Variants in SKAP1 observed in about 807,000 individuals in gnomAD.
SKAP1 encodes src kinase-associated phosphoprotein 1.
A neutral mutation model predicts 58.5 loss-of-function variants in SKAP1; 44 were observed. That is an observed-to-expected ratio of 0.75 (90% CI 0.59 to 0.97). The LOEUF (loss-of-function observed/expected upper bound fraction) is 0.97. Among genes scored for constraint, SKAP1 ranks in the 50% least tolerant of loss-of-function variants. The pLI, the probability that SKAP1 is intolerant of heterozygous loss-of-function variation, is 0.00. For missense variants in SKAP1, 390 were observed against 435.2 expected (o/e 0.90, Z 0.92); for synonymous variants, 127 against 149.7 (o/e 0.85, Z 1.11).
At chr17:48,444,950 A>G in the SKAP1 span, among the ~76,000 whole-genome samples, 1 of 152,130 alleles carries the variant, frequency 6.6e-6, no homozygotes, top group Non-Finnish European at 1.5e-5. Flanking sequence ...GGGTCCTGGG[A>G]CCATCCTGCT....
intron 10 of SKAP1, 149 bp downstream of exon 10, chr17:48,170,460 T>C (rs1287607015): frequency 1.5e-6 from 1 of 680,564 alleles, no homozygotes; most frequent in Non-Finnish European, 2.6e-6. Flanking sequence ...CCCTACCCAG[T>C]CACTTTATTT....
intron 9 of SKAP1, among the ~76,000 whole-genome samples, chr17:48,171,734 A>AGT (rs3221423): frequency 0.088 from 13,139 of 148,786 alleles, 654 homozygotes; most frequent in Non-Finnish European, 0.12. Context: ...AGGATGTTAG[A>AGT]GTGTGTGTGT....
intron 1 of SKAP1, among the ~76,000 whole-genome samples, chr17:48,424,979 G>C (rs1280888610): frequency 2.0e-5 from 3 of 151,374 alleles, no homozygotes; most frequent in Admixed American, 2.0e-4. Context: ...CCTCAGTAAG[G>C]CCAGGCGGGG....
At chr17:48,194,130 A>G (rs2064590098) in intron 4 of SKAP1, among the ~76,000 whole-genome samples, 2 of 152,226 alleles carry the variant, frequency 1.3e-5, no homozygotes, top group South Asian at 2.1e-4. Flanking sequence ...CTCTCAGAAC[A>G]GCCCGTATAA....
rs1159362508 is a variant in SKAP1 at position 48,332,668 on chromosome 17, A to G, written c.280+13237T>C. Among the ~76,000 whole-genome samples the G allele has an allele frequency of 2.6e-5, 4 of 152,286 alleles. No individual in the cohort carries two copies. The East Asian group carries it at 7.7e-4, about 29-fold the overall frequency. ...CCTGATCAGGTAAATATTATAGAATATATCCTTTTCTAACTCTGCAGATAT... is the reference window on the plus strand; with the variant it reads ...CCTGATCAGGTAAATATTATAGAATGTATCCTTTTCTAACTCTGCAGATAT... On this transcript the variant is annotated intron_variant, in intron 4 of 12. Coordinates refer to ENST00000336915, the MANE Select transcript of SKAP1 (RefSeq NM_003726.4).
chr17:48,292,694 G>C (rs1280707902), intron 4 of SKAP1, among the ~76,000 whole-genome samples: 1 of 152,128 alleles, frequency 6.6e-6, no homozygotes, highest in African/African-American at 2.4e-5. Flanking sequence ...GAAAGTCACT[G>C]AATTTTGGGC....
chr17:48,210,279 C>A (rs1295553114), intron 4 of SKAP1, among the ~76,000 whole-genome samples: 1 of 152,152 alleles, frequency 6.6e-6, no homozygotes, highest in East Asian at 1.9e-4. Context: ...ATCGGAATCA[C>A]CTGTCTACTT....
chr17:48,207,120 G>T (rs570338732), intron 4 of SKAP1, among the ~76,000 whole-genome samples: 16 of 152,236 alleles, frequency 1.1e-4, no homozygotes, highest in African/African-American at 3.6e-4. Flanking sequence ...TTGGTATGAA[G>T]GTACGTGGCA....
intron 9 of SKAP1, among the ~76,000 whole-genome samples, chr17:48,171,060 A>C (rs536780343): frequency 5.8e-4 from 67 of 115,014 alleles, no homozygotes; most frequent in African/African-American, 2.0e-3. Context: ...AGCTCATCAT[A>C]CTCTCTTCTT....
intron 4 of SKAP1, among the ~76,000 whole-genome samples, chr17:48,226,915 G>A (rs1005044298): frequency 3.3e-5 from 5 of 152,146 alleles, no homozygotes; most frequent in African/African-American, 4.8e-5. Flanking sequence ...AGGTTGTTGC[G>A]ATTCCAATTA....
At chr17:48,172,395 C>A (rs1253283156) in intron 9 of SKAP1, among the ~76,000 whole-genome samples, 3 of 152,192 alleles carry the variant, frequency 2.0e-5, no homozygotes, top group Non-Finnish European at 4.4e-5. Context: ...TAACCGGTTT[C>A]ATCTCGTCAC....
intron 4 of SKAP1, among the ~76,000 whole-genome samples, chr17:48,237,252 A>AT (rs554630642): frequency 1.7e-4 from 26 of 152,294 alleles, no homozygotes; most frequent in Non-Finnish European, 2.5e-4. Context: ...CTACATAGTG[A>AT]TTTTTTCCAT....
At chr17:48,136,920 C>T (rs1191473676) in intron 12 of SKAP1, 2 of 209,284 alleles carry the variant, frequency 9.6e-6, no homozygotes, top group Admixed American at 5.3e-5. Flanking sequence ...CTGCCCACCT[C>T]GGCCTCCTAA....
At chr17:48,254,218 T>A (rs1389594908) in intron 4 of SKAP1, among the ~76,000 whole-genome samples, 2 of 152,208 alleles carry the variant, frequency 1.3e-5, no homozygotes, top group African/African-American at 4.8e-5. Context: ...AAACTTTTGG[T>A]AAGAGAAACT....
chr17:48,284,794 G>A lies in SKAP1; in HGVS notation c.280+61111C>T, dbSNP rs111748057. ...AAGTCTGGGAGGACCTGCCTTTCAG[G>A]GGCTGCTAAAGAATTGGTGGAGACA... On this transcript the variant is annotated intron_variant, in intron 4 of 12. Coordinates refer to ENST00000336915, the MANE Select transcript of SKAP1 (RefSeq NM_003726.4). 4.0e-3 allele frequency among the ~76,000 whole-genome samples: 609 copies of A among 152,202 alleles called. 8 individuals carry two copies. Among genetic ancestry groups the A allele is most frequent in the African/African-American group, 0.014 (583 of 41,522 alleles).
intron 6 of SKAP1, among the ~76,000 whole-genome samples, chr17:48,186,338 T>A (rs1411840778): frequency 2.0e-5 from 3 of 152,114 alleles, no homozygotes; most frequent in African/African-American, 7.2e-5. Flanking sequence ...CGAAATGTTC[T>A]GAGGAATCTA....
intron 4 of SKAP1, among the ~76,000 whole-genome samples, chr17:48,338,059 TA>T (rs1431846546): frequency 1.3e-5 from 2 of 152,002 alleles, no homozygotes; most frequent in African/African-American, 4.8e-5. Context: ...CTTCTTCACT[TA>T]GTTCCTTCTT....
intron 1 of SKAP1, among the ~76,000 whole-genome samples, chr17:48,405,388 CTTTCCTTTCTT>C (rs1245110025): frequency 6.8e-6 from 1 of 146,452 alleles, no homozygotes; most frequent in African/African-American, 2.5e-5. Context: ...CTTTTTTTCT[CTTTCCTTTCTT>C]TCTTTCTTTC....
chr17:48,211,271 A>C (rs2064869569), intron 4 of SKAP1, among the ~76,000 whole-genome samples: 1 of 151,896 alleles, frequency 6.6e-6, no homozygotes, highest in Non-Finnish European at 1.5e-5. Flanking sequence ...GTGAGACCCC[A>C]CCTCTATTAA....
Sources: gnomAD v4.1 joint callset for allele counts (sites outside exome capture counted in the v4.1 genomes callset) on GRCh38, gnomAD v4.1.1 for gene constraint, MANE v1.5 for transcripts, NCBI Gene and HGNC (gene_info 2026-07-23, HGNC 2026-07-21) for gene names.